TNRC18: variants seen among roughly 807,000 people sequenced by gnomAD.
TNRC18 encodes the protein trinucleotide repeat-containing gene 18 protein.
TNRC18 carries 69 observed loss-of-function variants against 226.7 expected under a neutral mutation model. That is an observed-to-expected ratio of 0.30 (90% CI 0.25 to 0.37). The LOEUF (loss-of-function observed/expected upper bound fraction) is 0.37, where lower values mean the gene tolerates loss of function less well. Ranked by LOEUF, TNRC18 falls within the 10% of genes least tolerant of loss-of-function variation. The pLI, the probability that TNRC18 is intolerant of heterozygous loss-of-function variation, is 1.00. For synonymous variants in TNRC18, 2,449 were observed against 1,927.6 expected, an observed-to-expected ratio of 1.27 and a Z score of -7.09; for missense variants, 4,754 against 4,256.6, an observed-to-expected ratio of 1.12 and a Z score of -3.25.
At chr7:5,315,202 C>T (rs886393849) in intron 25 of TNRC18, 54 bp from the exon 26 acceptor site, 19 of 1,561,114 alleles carry the variant, frequency 1.2e-5, no homozygotes, top group Non-Finnish European at 1.4e-5. Flanking sequence ...CAGCTTGGAG[C>T]TTCCAAGACC....
intron 5 of TNRC18, 25 bp from the exon 6 acceptor site, chr7:5,378,049 G>A: frequency 1.9e-6 from 3 of 1,594,210 alleles, no homozygotes; most frequent in Non-Finnish European, 2.6e-6. Context: ...GTGGAAGTGA[G>A]CCCCCAGCCA....
chr7:5,372,356 C>A (rs746555519), intron 10 of TNRC18, among the ~76,000 whole-genome samples: 8 of 151,584 alleles, frequency 5.3e-5, no homozygotes, highest in African/African-American at 1.9e-4. Context: ...GGACTATAGG[C>A]GTGAGCCACT....
chr7:5,406,859 A>G (rs1463400383), intron 2 of TNRC18, among the ~76,000 whole-genome samples: 3 of 151,824 alleles, frequency 2.0e-5, no homozygotes, highest in Non-Finnish European at 2.9e-5. Context: ...TCAAAAAAAA[A>G]AAAGAAAGAA....
chr7:5,336,177 A>G (rs1487680581), intron 18 of TNRC18, among the ~76,000 whole-genome samples: 1 of 151,670 alleles, frequency 6.6e-6, no homozygotes, highest in Non-Finnish European at 1.5e-5. Flanking sequence ...ACTGCACTCC[A>G]GCCTGGGCAA....
intron 18 of TNRC18, among the ~76,000 whole-genome samples, chr7:5,334,950 G>T (rs912384586): frequency 6.6e-6 from 1 of 152,046 alleles, no homozygotes; most frequent in Non-Finnish European, 1.5e-5. Flanking sequence ...ATAGAGTCCC[G>T]CTGACCTCAG....
chr7:5,326,550 ATCC>A (rs1239472358), intron 19 of TNRC18, among the ~76,000 whole-genome samples: 1 of 152,126 alleles, frequency 6.6e-6, no homozygotes, highest in Non-Finnish European at 1.5e-5. Flanking sequence ...GGCTCAAGCA[ATCC>A]TCCTGCCTCA....
chr7:5,307,953 C>T lies in TNRC18; in HGVS notation c.*153G>A, dbSNP rs1786723529. The T allele has an allele frequency of 3.0e-6, 2 of 672,270 alleles. No homozygotes were observed. The highest frequency in any genetic ancestry group is 2.7e-5 in the Admixed American group (1 of 36,660). The allele number at this position is 672,270 out of a possible 1,614,324, so 41.6% of individuals were successfully genotyped here. On this transcript the variant is annotated 3_prime_UTR_variant, in exon 30 of 30. Coordinates refer to ENST00000430969, the MANE Select transcript of TNRC18 (RefSeq NM_001080495.3). ...GCACACACGTGCATGCACACACACT[C>T]ACCCGGGCATCCACGTGCACACCTG...
At chr7:5,340,505 G>A (rs1790578704) in intron 18 of TNRC18, among the ~76,000 whole-genome samples, 1 of 152,150 alleles carries the variant, frequency 6.6e-6, no homozygotes, top group African/African-American at 2.4e-5. Context: ...GGGAGGCCGA[G>A]GCGAGAGGAT....
chr7:5,393,083 T>C (rs1780416919), intron 3 of TNRC18, among the ~76,000 whole-genome samples: 1 of 152,244 alleles, frequency 6.6e-6, no homozygotes, highest in African/African-American at 2.4e-5. Context: ...GAGTGTGCAC[T>C]GGGCTGTGGT....
At chr7:5,364,472 C>T (rs1487686910) in intron 11 of TNRC18, among the ~76,000 whole-genome samples, 1 of 72,222 alleles carries the variant, frequency 1.4e-5, no homozygotes, top group African/African-American at 5.5e-5. Context: ...AACACACACA[C>T]ACACACACAC....
At chr7:5,408,298 CAA>C (rs55756995) in intron 2 of TNRC18, among the ~76,000 whole-genome samples, 8 of 72,446 alleles carry the variant, frequency 1.1e-4, no homozygotes, top group Middle Eastern at 9.3e-3. Context: ...ACTTCCGTCT[CAA>C]AAAAAAAAAA....
intron 18 of TNRC18, 45 bp downstream of exon 18, chr7:5,345,517 G>GGGGGGGGGCGGCCC: frequency 2.6e-6 from 1 of 377,744 alleles, no homozygotes; most frequent in Non-Finnish European, 4.8e-6. Context: ...AATGGCGTCC[G>GGGGGGGGGCGGCCC]CCCCTCCCAC....
chr7:5,399,760 A>G (rs747897524), intron 2 of TNRC18, among the ~76,000 whole-genome samples: 4 of 152,114 alleles, frequency 2.6e-5, no homozygotes, highest in East Asian at 1.9e-4. Context: ...GCTCACACCT[A>G]TAATACCAGC....
intron 19 of TNRC18, among the ~76,000 whole-genome samples, chr7:5,329,416 G>A (rs994288675): frequency 5.9e-5 from 9 of 151,762 alleles, no homozygotes; most frequent in African/African-American, 1.2e-4. Flanking sequence ...AGGAGCGGTG[G>A]CCCACAACTG....
chr7:5,361,386 A>G (rs1793030796), intron 14 of TNRC18, among the ~76,000 whole-genome samples: 1 of 152,220 alleles, frequency 6.6e-6, no homozygotes, highest in Non-Finnish European at 1.5e-5. Context: ...AATCTGTCGC[A>G]GGAGCCATCC....
chr7:5,400,439 G>A (rs774069579), intron 2 of TNRC18, among the ~76,000 whole-genome samples: 1 of 151,860 alleles, frequency 6.6e-6, no homozygotes, highest in Non-Finnish European at 1.5e-5. Flanking sequence ...GTGAAACTCC[G>A]TCTCTATTTA....
intron 18 of TNRC18, 36 bp downstream of exon 18, chr7:5,345,526 A>AACCCCC: frequency 1.1e-5 from 2 of 177,492 alleles, no homozygotes; most frequent in African/African-American, 5.4e-5. Flanking sequence ...CGCCCCTCCC[A>AACCCCC]CCCACCCCCA....
At chr7:5,320,254 T>C (rs192054000) in intron 24 of TNRC18, 64 bp downstream of exon 24, 128 of 1,345,746 alleles carry the variant, frequency 9.5e-5, no homozygotes, top group African/African-American at 6.7e-4. Flanking sequence ...TGGGTTTTAG[T>C]AGCCAAACAA....
At chr7:5,330,988 T>C (rs1789470954) in intron 19 of TNRC18, among the ~76,000 whole-genome samples, 1 of 152,144 alleles carries the variant, frequency 6.6e-6, no homozygotes. Flanking sequence ...TCATTATTAT[T>C]ATTGTGACTA....
Sources: gnomAD v4.1 joint callset for allele counts (sites outside exome capture counted in the v4.1 genomes callset) on GRCh38, gnomAD v4.1.1 for gene constraint, MANE v1.5 for transcripts, NCBI Gene and HGNC (gene_info 2026-07-23, HGNC 2026-07-21) for gene names.